GLYATL2: variants seen among roughly 807,000 people sequenced by gnomAD.
The protein encoded by GLYATL2 is glycine-N-acyltransferase like 2, also known as glycine N-acyltransferase-like protein 2.
GLYATL2 carries 25 observed loss-of-function variants against 21.4 expected under a neutral mutation model. The observed-to-expected ratio is 1.17, with a 90% CI of 0.85 to 1.63. GLYATL2 has a LOEUF of 1.63. Among genes scored for constraint, GLYATL2 ranks in the 40% most tolerant of loss-of-function variants. GLYATL2 has a pLI of 0.00. For missense variants in GLYATL2, 361 were observed against 343.3 expected (o/e 1.05, Z -0.41); for synonymous variants, 114 against 118.2 (o/e 0.96, Z 0.23).
intron 1 of GLYATL2, among the ~76,000 whole-genome samples, chr11:58,852,916 T>C (rs1565093524): frequency 6.6e-6 from 1 of 152,186 alleles, no homozygotes; most frequent in Non-Finnish European, 1.5e-5. Flanking sequence ...AATGAATTCT[T>C]TTTTGCCTAA....
chr11:58,835,938 G>A (rs1057326615), intron 5 of GLYATL2, among the ~76,000 whole-genome samples: 1 of 152,164 alleles, frequency 6.6e-6, no homozygotes, highest in Admixed American at 6.5e-5. Flanking sequence ...AGGATTTGAA[G>A]AGTGTTGACT....
chr11:58,854,194 T>A (rs1376473371), intron 1 of GLYATL2, among the ~76,000 whole-genome samples: 1 of 152,218 alleles, frequency 6.6e-6, no homozygotes. Context: ...TTTTTAATGT[T>A]CATTAATCTG....
intron 1 of GLYATL2, among the ~76,000 whole-genome samples, chr11:58,858,892 T>G (rs1274828369): frequency 2.0e-5 from 3 of 152,166 alleles, no homozygotes; most frequent in African/African-American, 7.2e-5. Flanking sequence ...AGAGCATCAC[T>G]GTCTCCCCTT....
intron 1 of GLYATL2, among the ~76,000 whole-genome samples, chr11:58,874,416 A>G (rs1298471508): frequency 3.3e-5 from 5 of 152,002 alleles, no homozygotes; most frequent in Non-Finnish European, 7.4e-5. Context: ...GCTTTCTCTT[A>G]TGGGCATTTA....
At chr11:58,888,774 C>A (rs936733612) in intron 1 of GLYATL2, among the ~76,000 whole-genome samples, 4 of 151,800 alleles carry the variant, frequency 2.6e-5, no homozygotes, top group African/African-American at 9.7e-5. Flanking sequence ...GCAATGTATG[C>A]AATTGCATAC....
At chr11:58,875,471 T>G (rs987336158) in intron 1 of GLYATL2, among the ~76,000 whole-genome samples, 11 of 152,228 alleles carry the variant, frequency 7.2e-5, no homozygotes, top group Non-Finnish European at 1.3e-4. Flanking sequence ...AGGAGCTCTT[T>G]TAGGGCAGGC....
At position 58,841,336 on chromosome 11, in the gene GLYATL2, A is replaced by C. The variant is rs551840144; in HGVS notation, c.-40-1684T>G. ...TCCACCCCTGGCTCCTCCTCTGGCT[A>C]TCTGGGTCACCTTAGGTAAGTCAAA... On this transcript the variant is annotated intron_variant, in intron 1 of 5. Coordinates refer to ENST00000287275, the MANE Select transcript of GLYATL2 (RefSeq NM_145016.4). 2.5e-4 allele frequency among the ~76,000 whole-genome samples: 38 copies of C among 152,340 alleles called. No homozygotes were observed. The South Asian group carries it at 7.5e-3, about 30-fold the overall frequency.
chr11:58,873,874 C>A (rs1854173393), intron 1 of GLYATL2, among the ~76,000 whole-genome samples: 1 of 152,090 alleles, frequency 6.6e-6, no homozygotes, highest in Non-Finnish European at 1.5e-5. Flanking sequence ...CCAGCTCCTC[C>A]TTGTACTTCT....
chr11:58,908,498 C>T (rs1038576406), upstream of GLYATL2: 3 of 211,622 alleles, frequency 1.4e-5, no homozygotes, highest in East Asian at 3.4e-4. Flanking sequence ...GGGAACAAGT[C>T]ATTTAGTGCT....
At chr11:58,875,213 A>G (rs1307439770) in intron 1 of GLYATL2, among the ~76,000 whole-genome samples, 1 of 152,184 alleles carries the variant, frequency 6.6e-6, no homozygotes, top group South Asian at 2.1e-4. Context: ...TCCTGAATAC[A>G]GCACACTGAT....
At chr11:58,872,236 C>T (rs1854135995) in intron 1 of GLYATL2, among the ~76,000 whole-genome samples, 1 of 152,092 alleles carries the variant, frequency 6.6e-6, no homozygotes, top group African/African-American at 2.4e-5. Flanking sequence ...CTGTAGGTTG[C>T]CTGTTCACTC....
chr11:58,853,736 G>T (rs1210570910), intron 1 of GLYATL2, among the ~76,000 whole-genome samples: 4 of 152,108 alleles, frequency 2.6e-5, no homozygotes, highest in Admixed American at 2.6e-4. Context: ...ACAACATGAT[G>T]TTTTAAAGTA....
chr11:58,895,214 AAAC>A (rs1232102314), intron 1 of GLYATL2, among the ~76,000 whole-genome samples: 1 of 152,234 alleles, frequency 6.6e-6, no homozygotes, highest in African/African-American at 2.4e-5. Context: ...TGGATTAGAA[AAAC>A]AACAAGAAAG....
At chr11:58,899,662 G>C (rs1854700607) in intron 1 of GLYATL2, among the ~76,000 whole-genome samples, 1 of 152,114 alleles carries the variant, frequency 6.6e-6, no homozygotes, top group South Asian at 2.1e-4. Context: ...CAGCGGGTTA[G>C]GGTTGCAGTC....
At chr11:58,858,470 A>T (rs200957801) in intron 1 of GLYATL2, among the ~76,000 whole-genome samples, 1,330 of 6,116 alleles carry the variant, frequency 0.22, 17 homozygotes, top group Non-Finnish European at 0.47. Context: ...GGCTTTTTTA[A>T]AAAAAAAAAA....
chr11:58,905,954 A>G (rs1356104697), upstream of GLYATL2, among the ~76,000 whole-genome samples: 1 of 152,174 alleles, frequency 6.6e-6, no homozygotes, highest in East Asian at 1.9e-4. Context: ...TTGGCCAGCG[A>G]GAGTGTCAAT....
intron 1 of GLYATL2, among the ~76,000 whole-genome samples, chr11:58,840,049 C>T (rs1853517057): frequency 6.6e-6 from 1 of 151,970 alleles, no homozygotes; most frequent in South Asian, 2.1e-4. Context: ...AACACTTGCT[C>T]TAATGTTCCC....
intron 1 of GLYATL2, among the ~76,000 whole-genome samples, chr11:58,891,117 G>A (rs1854536375): frequency 6.6e-6 from 1 of 152,020 alleles, no homozygotes; most frequent in South Asian, 2.1e-4. Context: ...GCCATATTCA[G>A]GAACTTGCAT....
intron 1 of GLYATL2, among the ~76,000 whole-genome samples, chr11:58,861,409 A>G (rs1279805914): frequency 6.6e-6 from 1 of 151,876 alleles, no homozygotes; most frequent in Non-Finnish European, 1.5e-5. Context: ...CCTTTGTGAT[A>G]TAAGTTGTAA....
Sources: allele counts gnomAD v4.1 joint callset (sites outside exome capture counted in the v4.1 genomes callset), GRCh38; gene constraint gnomAD v4.1.1; transcripts MANE v1.5; gene names NCBI Gene and HGNC (gene_info 2026-07-23, HGNC 2026-07-21).